ZNF804B: variants seen among roughly 807,000 people sequenced by gnomAD.
ZNF804B encodes the protein zinc finger 804B.
Under a neutral mutation model 101.4 loss-of-function variants are expected in ZNF804B, and 80 were observed. The observed-to-expected ratio is 0.79, with a 90% CI of 0.66 to 0.95. The LOEUF (loss-of-function observed/expected upper bound fraction) is 0.95, where lower values mean the gene tolerates loss of function less well. ZNF804B is among the 40% of genes least tolerant of loss of function. ZNF804B has a pLI of 0.00. For missense variants in ZNF804B, 1,673 were observed against 1,561.9 expected (o/e 1.07, Z -1.20); for synonymous variants, 622 against 558.8 (o/e 1.11, Z -1.59).
chr7:89,218,207 AC>A lies in ZNF804B; in HGVS notation c.162del (p.Tyr56ThrfsTer30). ...AAGGCCCTGGAAGATGTAAAGGCAAACTTTTACTGTGAATTATGTGACAAGC... is the reference window on the plus strand; with the variant it reads ...AAGGCCCTGGAAGATGTAAAGGCAAATTTTACTGTGAATTATGTGACAAGC... ...TAKALEDVKA[N>X]FYCELCDKQY... On this transcript the variant is annotated frameshift_variant, in exon 2 of 4. Coordinates refer to ENST00000333190, the MANE Select transcript of ZNF804B (RefSeq NM_181646.5). LOFTEE classifies it high-confidence loss of function. The A allele has an allele frequency of 6.2e-7, 1 of 1,613,886 alleles. No homozygotes were observed. Among genetic ancestry groups the A allele is most frequent in the South Asian group, 1.1e-5 (1 of 91,056 alleles).
chr7:89,102,421 G>A (rs1790069253), intron 1 of ZNF804B, among the ~76,000 whole-genome samples: 1 of 151,824 alleles, frequency 6.6e-6, no homozygotes, highest in Non-Finnish European at 1.5e-5. Flanking sequence ...TATAGATGTT[G>A]CATTTCTCTG....
At chr7:89,239,355 A>G (rs566674429) in intron 2 of ZNF804B, among the ~76,000 whole-genome samples, 34 of 152,240 alleles carry the variant, frequency 2.2e-4, no homozygotes, top group African/African-American at 7.5e-4. Flanking sequence ...TGAATTGGCA[A>G]TATGCCTTGA....
At chr7:89,078,978 G>A (rs745741382) in intron 1 of ZNF804B, among the ~76,000 whole-genome samples, 4 of 151,956 alleles carry the variant, frequency 2.6e-5, no homozygotes, top group African/African-American at 7.2e-5. Flanking sequence ...TGTAGTTCTT[G>A]TTACTCTTTT....
chr7:89,143,787 A>G (rs1790750060), intron 1 of ZNF804B, among the ~76,000 whole-genome samples: 2 of 152,040 alleles, frequency 1.3e-5, no homozygotes, highest in African/African-American at 4.8e-5. Context: ...ACAAGTAAGT[A>G]TGAGTTTATT....
At position 89,191,938 on chromosome 7, in the gene ZNF804B, C is replaced by T. The variant is rs540909854; in HGVS notation, c.109-26217C>T. On this transcript the variant is annotated intron_variant, in intron 1 of 3. Coordinates refer to ENST00000333190, the MANE Select transcript of ZNF804B (RefSeq NM_181646.5). ...TACAGAAAGGTATAATTTACAAAAA[C>T]TATGAATATAATTTTCATTTTTTGA... 5.9e-5 allele frequency among the ~76,000 whole-genome samples: 9 copies of T among 152,022 alleles called. No homozygotes were observed. The East Asian group carries it at 1.4e-3, about 23-fold the overall frequency.
chr7:88,782,198 G>T lies in ZNF804B; in HGVS notation c.108+22114G>T, dbSNP rs73393410. ...GGGTTGGGGAGGAGAGGGTGACAGG[G>T]TCACACATCTGTATCTCACTCAGGG... On this transcript the variant is annotated intron_variant, in intron 1 of 3. Coordinates refer to ENST00000333190, the MANE Select transcript of ZNF804B (RefSeq NM_181646.5). Among the ~76,000 whole-genome samples, 418 of 151,614 alleles carry T rather than the reference G, an allele frequency of 2.8e-3. 2 individuals carry two copies. Among genetic ancestry groups the T allele is most frequent in the African/African-American group, 9.9e-3 (409 of 41,366 alleles).
chr7:88,795,139 A>G (rs1790459758), intron 1 of ZNF804B: 2 of 450,116 alleles, frequency 4.4e-6, no homozygotes, highest in Admixed American at 3.9e-5. Context: ...GAAACAATGT[A>G]TTTGAAATGA....
intron 1 of ZNF804B, among the ~76,000 whole-genome samples, chr7:89,070,572 G>T (rs1397223827): frequency 3.9e-5 from 6 of 152,060 alleles, no homozygotes; most frequent in African/African-American, 1.4e-4. Context: ...TCTGAGGGAT[G>T]GTTTCTTCAT....
intron 1 of ZNF804B, among the ~76,000 whole-genome samples, chr7:89,096,832 A>G (rs1789978208): frequency 6.6e-6 from 1 of 152,170 alleles, no homozygotes; most frequent in Admixed American, 6.5e-5. Context: ...TTTCTAGGGA[A>G]CTATGTCTAC....
intron 1 of ZNF804B, among the ~76,000 whole-genome samples, chr7:88,898,313 C>G (rs1355819379): frequency 6.6e-6 from 1 of 152,040 alleles, no homozygotes; most frequent in East Asian, 1.9e-4. Flanking sequence ...GTCTCGATCT[C>G]CTGACCTTGT....
intron 2 of ZNF804B, among the ~76,000 whole-genome samples, chr7:89,289,798 C>T (rs1790258416): frequency 6.6e-6 from 1 of 152,210 alleles, no homozygotes; most frequent in South Asian, 2.1e-4. Context: ...AAGACTCCAA[C>T]TCTTAGGCAA....
rs750647764 is a variant in ZNF804B, at chr7:89,334,060, C to T, written c.1078C>T (p.Pro360Ser). Residue 360 changes from proline to serine, a missense_variant, in exon 4 of 4, where the codon CCA becomes TCA. Pro to Ser is a moderately conservative substitution (Grantham distance 74, BLOSUM62 -1). Coordinates refer to ENST00000333190, the MANE Select transcript of ZNF804B (RefSeq NM_181646.5). ...KNTLENCVNH[P>S]CQANASFSPP... ...CACTTTAGAAAATTGTGTTAATCAC[C>T]CATGCCAAGCAAATGCTTCCTTCAG... 1.9e-6 allele frequency: 3 copies of T among 1,613,468 alleles called. No homozygotes were observed. The highest frequency in any genetic ancestry group is 2.5e-6 in the Non-Finnish European group (3 of 1,179,746).
At chr7:89,127,282 G>A (rs1187545218) in intron 1 of ZNF804B, among the ~76,000 whole-genome samples, 1 of 151,888 alleles carries the variant, frequency 6.6e-6, no homozygotes, top group Non-Finnish European at 1.5e-5. Context: ...GAATTGAGAT[G>A]AGTAATCTTT....
intron 1 of ZNF804B, among the ~76,000 whole-genome samples, chr7:89,028,649 G>A (rs750740956): frequency 7.2e-5 from 11 of 152,054 alleles, no homozygotes; most frequent in South Asian, 2.1e-4. Context: ...TACAGTAAGC[G>A]TGCCATAAAT....
At chr7:89,211,081 C>G (rs776699418) in intron 1 of ZNF804B, among the ~76,000 whole-genome samples, 1 of 152,158 alleles carries the variant, frequency 6.6e-6, no homozygotes, top group Non-Finnish European at 1.5e-5. Flanking sequence ...ACTTGCATTT[C>G]TCTAATGATC....
At chr7:89,280,304 C>T (rs1790069749) in intron 2 of ZNF804B, among the ~76,000 whole-genome samples, 1 of 151,458 alleles carries the variant, frequency 6.6e-6, no homozygotes, top group African/African-American at 2.4e-5. Context: ...CAAGAGGAAG[C>T]AGGAAAGATC....
intron 1 of ZNF804B, among the ~76,000 whole-genome samples, chr7:88,844,287 A>G (rs10250968): frequency 0.039 from 5,943 of 152,264 alleles, 406 homozygotes; most frequent in African/African-American, 0.14. Context: ...TTAACCATGA[A>G]TGTCTTTTAA....
intron 1 of ZNF804B, among the ~76,000 whole-genome samples, chr7:89,076,367 G>A (rs1298090886): frequency 6.6e-6 from 1 of 151,466 alleles, no homozygotes; most frequent in Non-Finnish European, 1.5e-5. Context: ...TTTTTAAAAA[G>A]GGTAGTTTCC....
At chr7:89,107,319 A>G (rs1007204038) in intron 1 of ZNF804B, among the ~76,000 whole-genome samples, 1 of 152,120 alleles carries the variant, frequency 6.6e-6, no homozygotes, top group African/African-American at 2.4e-5. Context: ...TGATCCTTTT[A>G]CATGAATTTA....
Sources: gnomAD v4.1 joint callset for allele counts (sites outside exome capture counted in the v4.1 genomes callset) on GRCh38, gnomAD v4.1.1 for gene constraint, MANE v1.5 for transcripts, NCBI Gene and HGNC (gene_info 2026-07-23, HGNC 2026-07-21) for gene names.